Variants in CTNND2 observed in about 807,000 individuals in gnomAD.
CTNND2 encodes catenin delta-2.
CTNND2 carries 22 observed loss-of-function variants against 144.4 expected under a neutral mutation model. The ratio of observed to expected loss-of-function variants is 0.15; its 90% CI spans 0.11 to 0.22. The LOEUF is 0.22. CTNND2 is among the 10% of genes least tolerant of loss of function. CTNND2 has a pLI of 1.00. For synonymous variants in CTNND2, 751 were observed against 695.6 expected (o/e 1.08, Z -1.25); for missense variants, 1,353 against 1,618.8 (o/e 0.84, Z 2.82).
intron 10 of CTNND2, among the ~76,000 whole-genome samples, chr5:11,209,990 C>G (rs979245663): frequency 6.6e-6 from 1 of 152,146 alleles, no homozygotes; most frequent in African/African-American, 2.4e-5. Flanking sequence ...ACTATCCATA[C>G]TGAAGTTAGG....
intron 16 of CTNND2, among the ~76,000 whole-genome samples, chr5:11,073,353 G>A (rs754354702): frequency 2.6e-5 from 4 of 152,166 alleles, no homozygotes; most frequent in Admixed American, 6.5e-5. Context: ...GCTTTTCTTC[G>A]GAAACTGTTT....
rs780243972 is a variant in CTNND2 at position 11,082,766 on chromosome 5, G to A, written c.2718C>T (p.Asp906=). Residue 906 remains aspartate, a synonymous_variant, in exon 16 of 22, where the codon GAC becomes GAT. Transcript: ENST00000304623. ...ILVELLRIDN[D]RVVCAVATAL... ...CAGTGGCCACCGCGCACACCACACGGTCATTGTCTATTCGGAGCAGCTCCA... is the reference window on the plus strand; with the variant it reads ...CAGTGGCCACCGCGCACACCACACGATCATTGTCTATTCGGAGCAGCTCCA... 6.2e-7 allele frequency: 1 copy of A among 1,614,138 alleles called. No homozygotes were observed. The highest frequency in any genetic ancestry group is 1.7e-5 in the Admixed American group (1 of 60,018).
At chr5:11,202,588 G>A (rs1216542527) in intron 10 of CTNND2, among the ~76,000 whole-genome samples, 1 of 152,012 alleles carries the variant, frequency 6.6e-6, no homozygotes, top group African/African-American at 2.4e-5. Flanking sequence ...AAATGTAAAT[G>A]GCCACATGTG....
chr5:11,448,525 G>A (rs1373133268), intron 3 of CTNND2, among the ~76,000 whole-genome samples: 1 of 151,986 alleles, frequency 6.6e-6, no homozygotes, highest in African/African-American at 2.4e-5. Flanking sequence ...TGTGTTTGCT[G>A]TTGTCGTTTT....
At chr5:11,515,558 T>C (rs1427812068) in intron 3 of CTNND2, among the ~76,000 whole-genome samples, 1 of 152,218 alleles carries the variant, frequency 6.6e-6, no homozygotes, top group Non-Finnish European at 1.5e-5. Flanking sequence ...TCCCATAACA[T>C]ATCTTTGAAT....
intron 3 of CTNND2, among the ~76,000 whole-genome samples, chr5:11,465,773 C>T (rs1766615966): frequency 6.6e-6 from 1 of 152,194 alleles, no homozygotes; most frequent in Admixed American, 6.5e-5. Flanking sequence ...AGATGACCAA[C>T]TCCATCTGGA....
intron 2 of CTNND2, among the ~76,000 whole-genome samples, chr5:11,569,900 C>A (rs1016152540): frequency 1.3e-5 from 2 of 152,128 alleles, no homozygotes; most frequent in Non-Finnish European, 2.9e-5. Flanking sequence ...AATCTGCCTG[C>A]ACCATGATCT....
At chr5:11,746,268 A>G (rs1333296542) in intron 1 of CTNND2, among the ~76,000 whole-genome samples, 2 of 152,078 alleles carry the variant, frequency 1.3e-5, no homozygotes, top group Non-Finnish European at 2.9e-5. Context: ...TCTTCCCTTT[A>G]CCATCACCAA....
At chr5:11,282,317 G>T (rs1222972070) in intron 9 of CTNND2, among the ~76,000 whole-genome samples, 1 of 152,168 alleles carries the variant, frequency 6.6e-6, no homozygotes, top group African/African-American at 2.4e-5. Flanking sequence ...AAATAATTAC[G>T]AGTTTTTAAG....
At chr5:11,549,221 T>C (rs539256418) in intron 3 of CTNND2, among the ~76,000 whole-genome samples, 13 of 152,316 alleles carry the variant, frequency 8.5e-5, no homozygotes, top group Non-Finnish European at 1.6e-4. Flanking sequence ...ATAAAGACTA[T>C]AGGTTGCTTG....
At chr5:11,346,300 T>A (rs1348933460) in intron 9 of CTNND2, 72 bp downstream of exon 9, 2 of 1,290,348 alleles carry the variant, frequency 1.5e-6, no homozygotes, top group Non-Finnish European at 2.0e-6. Context: ...CAACATGACG[T>A]GAAATAAATT....
intron 9 of CTNND2, among the ~76,000 whole-genome samples, chr5:11,243,855 CTCACAATT>C (rs968250439): frequency 1.7e-4 from 26 of 152,172 alleles, no homozygotes; most frequent in South Asian, 2.1e-4. Context: ...AACTAGAATC[CTCACAATT>C]TCACACTATT....
At chr5:11,424,605 C>CGTGT (rs58677308) in intron 3 of CTNND2, among the ~76,000 whole-genome samples, 1 of 150,144 alleles carries the variant, frequency 6.7e-6, no homozygotes, top group African/African-American at 2.4e-5. Context: ...TTAGAAGAGA[C>CGTGT]GTGTGTGTGT....
rs927853145 is a variant in CTNND2, at chr5:11,270,659, T to C, written c.1629-33836A>G. Among the ~76,000 whole-genome samples, 10 of 152,162 alleles carry C rather than the reference T, an allele frequency of 6.6e-5. No individual in the cohort carries two copies. The East Asian group carries it at 1.9e-3, about 29-fold the overall frequency. ...CCATGAGAAGCAGCATTAGAAAGGA[T>C]CAAGCTCTTTTCTCCCTAAATCAGT... On this transcript the variant is annotated intron_variant, in intron 9 of 21. Coordinates refer to ENST00000304623, the MANE Select transcript of CTNND2 (RefSeq NM_001332.4).
At chr5:11,721,540 A>C (rs550318423) in intron 2 of CTNND2, among the ~76,000 whole-genome samples, 1 of 152,174 alleles carries the variant, frequency 6.6e-6, no homozygotes, top group Non-Finnish European at 1.5e-5. Context: ...AATTACAACC[A>C]CCATCTGCTT....
chr5:11,047,247 GC>G (rs753304068), intron 16 of CTNND2, among the ~76,000 whole-genome samples: 60 of 152,320 alleles, frequency 3.9e-4, no homozygotes, highest in Non-Finnish European at 7.1e-4. Context: ...ACACACCTCT[GC>G]CTGTCCAGGA....
At chr5:11,800,004 C>A (rs192714799) in intron 1 of CTNND2, among the ~76,000 whole-genome samples, 24 of 152,224 alleles carry the variant, frequency 1.6e-4, no homozygotes, top group African/African-American at 5.8e-4. Context: ...GACTAGCTGC[C>A]CATTTAGCCA....
chr5:11,002,774 G>T (rs1477809897), intron 18 of CTNND2, among the ~76,000 whole-genome samples: 2 of 152,172 alleles, frequency 1.3e-5, no homozygotes, highest in Non-Finnish European at 2.9e-5. Flanking sequence ...TGATGATATG[G>T]TCAATGTTGA....
intron 3 of CTNND2, among the ~76,000 whole-genome samples, chr5:11,486,864 T>C (rs1008886282): frequency 6.6e-6 from 1 of 152,224 alleles, no homozygotes; most frequent in Non-Finnish European, 1.5e-5. Context: ...TGAGTAGTTA[T>C]GTTTTATCCT....
Sources: gnomAD v4.1 joint callset for allele counts (sites outside exome capture counted in the v4.1 genomes callset) on GRCh38, gnomAD v4.1.1 for gene constraint, MANE v1.5 for transcripts, NCBI Gene and HGNC (gene_info 2026-07-23, HGNC 2026-07-21) for gene names.